The following GFPT1 variants were observed in gnomAD, a reference collection of about 807,000 sequenced individuals.
GFPT1 encodes glutamine--fructose-6-phosphate aminotransferase [isomerizing] 1.
A neutral mutation model predicts 92.0 loss-of-function variants in GFPT1; 40 were observed. The observed-to-expected ratio is 0.43, with a 90% CI of 0.34 to 0.57. GFPT1 has a LOEUF of 0.57. Ranked by LOEUF, GFPT1 falls within the 20% of genes least tolerant of loss-of-function variation. GFPT1 has a pLI of 0.02. For missense variants in GFPT1, 448 were observed against 869.1 expected, an observed-to-expected ratio of 0.52 and a Z score of 6.09; for synonymous variants, 269 against 280.6, an observed-to-expected ratio of 0.96 and a Z score of 0.41.
chr2:69,331,231 T>A (rs1371436272), intron 15 of GFPT1, among the ~76,000 whole-genome samples: 1 of 152,236 alleles, frequency 6.6e-6, no homozygotes, highest in African/African-American at 2.4e-5. Context: ...ATACATATCT[T>A]GAATCCTAAA....
chr2:69,368,695 C>T (rs2104677051), intron 3 of GFPT1, among the ~76,000 whole-genome samples: 1 of 151,822 alleles, frequency 6.6e-6, no homozygotes, highest in Admixed American at 6.6e-5. Context: ...CACCATTGCA[C>T]TCCAGCCTGG....
intron 17 of GFPT1, among the ~76,000 whole-genome samples, chr2:69,328,751 AG>A (rs556360224): frequency 2.6e-4 from 36 of 137,758 alleles, no homozygotes; most frequent in African/African-American, 9.8e-4. Flanking sequence ...CCCAGGCTGG[AG>A]TACAGTGGTG....
chr2:69,329,638 C>T, intron 16 of GFPT1, 46 bp downstream of exon 16: 1 of 1,241,344 alleles, frequency 8.1e-7, no homozygotes, highest in Non-Finnish European at 1.2e-6. Flanking sequence ...TACCTATTAC[C>T]CACTCCCTTA....
intron 11 of GFPT1, among the ~76,000 whole-genome samples, chr2:69,346,776 T>C (rs1030039454): frequency 6.6e-6 from 1 of 152,070 alleles, no homozygotes; most frequent in African/African-American, 2.4e-5. Flanking sequence ...TCACCCAGAC[T>C]GAAGTGATCA....
chr2:69,352,294 A>T (rs547083696), intron 9 of GFPT1, among the ~76,000 whole-genome samples: 1 of 151,760 alleles, frequency 6.6e-6, no homozygotes, highest in South Asian at 2.1e-4. Context: ...ATTTAAAAAC[A>T]CATAAAAAGA....
chr2:69,373,574 G>A (rs917596446), intron 2 of GFPT1, among the ~76,000 whole-genome samples: 3 of 152,078 alleles, frequency 2.0e-5, no homozygotes, highest in East Asian at 1.9e-4. Context: ...AGCTATGACC[G>A]CACCACTACA....
At chr2:69,338,112 C>G (rs990681506) in intron 14 of GFPT1, 57 bp from the exon 15 acceptor site, 25 of 1,501,382 alleles carry the variant, frequency 1.7e-5, no homozygotes, top group Non-Finnish European at 2.0e-5. Context: ...TATGCTGTTT[C>G]TTAGGAGCAA....
intron 15 of GFPT1, among the ~76,000 whole-genome samples, chr2:69,332,186 T>C (rs746518323): frequency 6.6e-6 from 1 of 152,196 alleles, no homozygotes; most frequent in Non-Finnish European, 1.5e-5. Flanking sequence ...TTTAAAAATA[T>C]GGCATTTTCA....
At chr2:69,364,738 T>C (rs10200376) in intron 3 of GFPT1, among the ~76,000 whole-genome samples, 101,496 of 152,168 alleles carry the variant, frequency 0.67, 35,506 homozygotes, top group African/African-American at 0.9. Flanking sequence ...GGCTCATGCC[T>C]GTAATCCCAG....
chr2:69,356,843 T>TTC (rs1443904655), intron 6 of GFPT1, among the ~76,000 whole-genome samples: 1 of 151,982 alleles, frequency 6.6e-6, no homozygotes, highest in Non-Finnish European at 1.5e-5. Flanking sequence ...GTTCAAGTGA[T>TTC]TCTCCTGCCT....
At chr2:69,364,709 T>C (rs1168389597) in intron 3 of GFPT1, among the ~76,000 whole-genome samples, 1 of 152,178 alleles carries the variant, frequency 6.6e-6, no homozygotes, top group East Asian at 1.9e-4. Context: ...GAAAAGTAGC[T>C]GATTTGTCCA....
At chr2:69,356,697 T>C in intron 6 of GFPT1, 140 bp from the exon 7 acceptor site, 1 of 712,056 alleles carries the variant, frequency 1.4e-6, no homozygotes, top group Admixed American at 2.1e-5. Flanking sequence ...GTCTAAAGTT[T>C]AAGTAAACAC....
chr2:69,325,878 T>C lies in GFPT1; in HGVS notation c.*311A>G. 3.6e-6 allele frequency: 1 copy of C among 280,204 alleles called. No homozygotes were observed. The highest frequency in any genetic ancestry group is 6.7e-6 in the Non-Finnish European group (1 of 149,170). 17.4% of individuals were successfully genotyped at this position (280,204 alleles called of 1,614,324 possible). ...TACCAATTTTTAGAAACATATTGTC[T>C]TCTCAGATTGAAGTGGAGGGTCCAG... On this transcript the variant is annotated 3_prime_UTR_variant, in exon 20 of 20. Coordinates refer to ENST00000357308, the MANE Select transcript of GFPT1 (RefSeq NM_001244710.2).
In GFPT1 at chr2:69,326,029, C is replaced by CA. The variant is rs1670521412; in HGVS notation, c.*159dup. 1 of 584,494 alleles carries CA rather than the reference C, an allele frequency of 1.7e-6. No homozygotes were observed. The highest frequency in any genetic ancestry group is 1.9e-5 in the African/African-American group (1 of 53,154). 36.2% of individuals were successfully genotyped at this position (584,494 alleles called of 1,614,324 possible). A position where few individuals can be genotyped will look rare whatever the true frequency, so the allele number is the denominator to read the frequency against. ...TGGGAAAATGTAAGAGGTAACTTCACAAAAATCACATATTGAGTGGAATAA... is the reference window on the plus strand; with the variant it reads ...TGGGAAAATGTAAGAGGTAACTTCACAAAAAATCACATATTGAGTGGAATAA... On this transcript the variant is annotated 3_prime_UTR_variant, in exon 20 of 20. Transcript: ENST00000357308.
rs1418868503 is a variant in GFPT1 at position 69,354,572 on chromosome 2, T to A, written c.606-4A>T. ...AATCAACAGAGGGCTACCTCGCCTG[T>A]AAATTGCAAAAGCAGTTAGAATTAA... is the stretch of plus-strand genomic sequence containing the variant. On this transcript the variant is annotated splice_region_variant and splice_polypyrimidine_tract_variant and intron_variant, in intron 7 of 19. Coordinates refer to ENST00000357308, the MANE Select transcript of GFPT1 (RefSeq NM_001244710.2). 6.3e-7 allele frequency: 1 copy of A among 1,592,158 alleles called. No individual in the cohort carries two copies.
At chr2:69,330,159 C>T (rs1258589849) in intron 15 of GFPT1, among the ~76,000 whole-genome samples, 1 of 152,060 alleles carries the variant, frequency 6.6e-6, no homozygotes, top group Non-Finnish European at 1.5e-5. Flanking sequence ...GAACCAGGAT[C>T]GCACCACAGC....
intron 1 of GFPT1, among the ~76,000 whole-genome samples, chr2:69,384,390 A>G (rs953769068): frequency 6.6e-6 from 1 of 152,186 alleles, no homozygotes; most frequent in Non-Finnish European, 1.5e-5. Flanking sequence ...TGCTTCAACA[A>G]TGCACAACGT....
chr2:69,336,058 C>G (rs1171662255), intron 15 of GFPT1, among the ~76,000 whole-genome samples: 11 of 146,928 alleles, frequency 7.5e-5, no homozygotes, highest in Admixed American at 4.7e-4. Flanking sequence ...GGTGGGGGGC[C>G]AGGTACAGTG....
chr2:69,343,936 T>G (rs1265446080), intron 12 of GFPT1, among the ~76,000 whole-genome samples: 17 of 152,214 alleles, frequency 1.1e-4, no homozygotes. Context: ...ACTACTTACT[T>G]TGGCCTTCAA....
Sources: allele counts gnomAD v4.1 joint callset (sites outside exome capture counted in the v4.1 genomes callset), GRCh38; gene constraint gnomAD v4.1.1; transcripts MANE v1.5; gene names NCBI Gene and HGNC (gene_info 2026-07-23, HGNC 2026-07-21).